Variants in TAFA5 observed in about 807,000 individuals in gnomAD.
TAFA5 encodes chemokine-like protein TAFA-5.
In TAFA5, 6 loss-of-function variants were observed where a neutral mutation model predicts 15.3. That is an observed-to-expected ratio of 0.39 (90% CI 0.21 to 0.77). The LOEUF (loss-of-function observed/expected upper bound fraction) is 0.77. Ranked by LOEUF, TAFA5 falls within the 30% of genes least tolerant of loss-of-function variation. TAFA5 has a pLI of 0.41. For synonymous variants in TAFA5, 103 were observed against 80.7 expected, an observed-to-expected ratio of 1.28 and a Z score of -1.48; for missense variants, 161 against 193.1, an observed-to-expected ratio of 0.83 and a Z score of 0.98.
chr22:48,667,439 T>C (rs1418132220), intron 2 of TAFA5, among the ~76,000 whole-genome samples: 6 of 152,344 alleles, frequency 3.9e-5, no homozygotes, highest in Admixed American at 1.3e-4. Context: ...GTAACTGTGA[T>C]ATCAATATAT....
chr22:48,642,578 G>A (rs1030293861), intron 1 of TAFA5, among the ~76,000 whole-genome samples: 2 of 152,178 alleles, frequency 1.3e-5, no homozygotes, highest in African/African-American at 4.8e-5. Context: ...AGACCAGGCC[G>A]GCCTGGACCC....
At chr22:48,610,612 C>T (rs529622387) in intron 1 of TAFA5, among the ~76,000 whole-genome samples, 176 of 127,598 alleles carry the variant, frequency 1.4e-3, no homozygotes, top group African/African-American at 4.1e-3. Context: ...GAGGGGCAGG[C>T]TCGCAGGCAG....
rs1924840069 is a variant in TAFA5, at chr22:48,598,185, A to T, written c.113-48412A>T. Among the ~76,000 whole-genome samples the T allele has an allele frequency of 6.6e-6, 1 of 152,130 alleles. No homozygotes were observed. The highest frequency in any genetic ancestry group is 2.4e-5 in the African/African-American group (1 of 41,438). The stretch of plus-strand genomic sequence containing the variant: ...TTCTTTTCTTGCTTGAGGAAGGTCC[A>T]TCTTTGTCCATTGAGGCCTTCACCT... On this transcript the variant is annotated intron_variant, in intron 1 of 3. Transcript: ENST00000402357. This position sits in a 1 kb window ranked among gnomAD's most constrained non-coding sequence, Gnocchi z 4.0.
At chr22:48,667,193 A>T (rs1927645294) in intron 2 of TAFA5, among the ~76,000 whole-genome samples, 1 of 152,074 alleles carries the variant, frequency 6.6e-6, no homozygotes, top group South Asian at 2.1e-4. Flanking sequence ...TGCCCATCCG[A>T]GCGGCCTGCA....
intron 3 of TAFA5, among the ~76,000 whole-genome samples, chr22:48,721,039 CT>C: frequency 6.6e-6 from 1 of 152,348 alleles, no homozygotes; most frequent in Admixed American, 6.5e-5. Flanking sequence ...CCACTGTCCC[CT>C]GCTGGGCCAG....
intron 3 of TAFA5, among the ~76,000 whole-genome samples, chr22:48,743,318 T>C (rs1930235345): frequency 6.6e-6 from 1 of 152,208 alleles, no homozygotes; most frequent in Non-Finnish European, 1.5e-5. Context: ...GCAGCCGCTG[T>C]GGCTGCGTGG....
intron 2 of TAFA5, among the ~76,000 whole-genome samples, chr22:48,674,558 G>T (rs1927907727): frequency 6.6e-6 from 1 of 152,208 alleles, no homozygotes; most frequent in South Asian, 2.1e-4. Context: ...CCACGCTTTT[G>T]TTTGGGCGTC....
chr22:48,545,506 C>T (rs1922632253), intron 1 of TAFA5: 1 of 154,380 alleles, frequency 6.5e-6, no homozygotes, highest in Non-Finnish European at 1.4e-5. Context: ...TACTCTGAAC[C>T]CAGCTGCCAC....
intron 2 of TAFA5, among the ~76,000 whole-genome samples, chr22:48,686,025 G>T (rs1928343652): frequency 6.6e-6 from 1 of 151,866 alleles, no homozygotes; most frequent in Admixed American, 6.6e-5. Flanking sequence ...TGCCCCGGGA[G>T]TACATGCAGG....
chr22:48,556,630 C>T (rs1601577163), intron 1 of TAFA5, among the ~76,000 whole-genome samples: 1 of 152,232 alleles, frequency 6.6e-6, no homozygotes, highest in African/African-American at 2.4e-5. Context: ...CTCTGGTCTG[C>T]AGGGCACACA....
intron 2 of TAFA5, among the ~76,000 whole-genome samples, chr22:48,685,172 G>A (rs1417799089): frequency 6.6e-6 from 1 of 152,220 alleles, no homozygotes; most frequent in African/African-American, 2.4e-5. Context: ...GGTTGAAAGA[G>A]TTAAGCTTTG....
intron 1 of TAFA5, among the ~76,000 whole-genome samples, chr22:48,639,212 G>A (rs578142774): frequency 7.3e-5 from 11 of 150,480 alleles, no homozygotes; most frequent in East Asian, 1.9e-4. Context: ...TTTTCTCCCC[G>A]TTGGGGACCT....
intron 1 of TAFA5, chr22:48,544,027 A>G (rs1922564532): frequency 1.3e-5 from 2 of 152,540 alleles, no homozygotes; most frequent in Admixed American, 1.3e-4. Context: ...GTCCTTGGTC[A>G]TGTGCCAGTG....
At position 48,583,579 on chromosome 22, in the gene TAFA5, C is replaced by G. The variant is rs1924183351; in HGVS notation, c.113-63018C>G. ...CCACACACACCACACATCACGCACA[C>G]ACACCACACACCAAATATACACACA... On this transcript the variant is annotated intron_variant, in intron 1 of 3. Coordinates refer to ENST00000402357, the MANE Select transcript of TAFA5 (RefSeq NM_001082967.3). Among the ~76,000 whole-genome samples the G allele has an allele frequency of 2.0e-5, 3 of 151,080 alleles. No individual in the cohort carries two copies. The South Asian group carries it at 6.3e-4, about 32-fold the overall frequency.
Position 48,560,407 on chromosome 22 carries a change from A to C in TAFA5, c.112+70703A>C, listed in dbSNP as rs1342887630. Among the ~76,000 whole-genome samples, 1 of 152,084 alleles carries C rather than the reference A, an allele frequency of 6.6e-6. No individual in the cohort carries two copies. ...CCCTGGAGACCACACGTGGGATGCCAGGAGCACCAAGGGTGCAGGTAGGCC... is the reference window on the plus strand; with the variant it reads ...CCCTGGAGACCACACGTGGGATGCCCGGAGCACCAAGGGTGCAGGTAGGCC... On this transcript the variant is annotated intron_variant, in intron 1 of 3. Transcript: ENST00000402357. The surrounding 1 kb of genome is among the most constrained non-coding windows in gnomAD (Gnocchi z 4.2).
intron 1 of TAFA5, among the ~76,000 whole-genome samples, chr22:48,602,348 C>G (rs1925005181): frequency 6.6e-6 from 1 of 152,224 alleles, no homozygotes; most frequent in Admixed American, 6.5e-5. Flanking sequence ...CTGGCCTGGG[C>G]TCCAGGGTCC....
chr22:48,530,608 CT>C lies in TAFA5; in HGVS notation c.112+40905del, dbSNP rs752431911. ...GGGTGGGCAAGAAACCAGCGCTCCC[CT>C]GGCTCCCTCCCTTCCCATCCCTTCT... On this transcript the variant is annotated intron_variant, in intron 1 of 3. Transcript: ENST00000402357. This position sits in a 1 kb window ranked among gnomAD's most constrained non-coding sequence, Gnocchi z 6.0. Among the ~76,000 whole-genome samples, 39 of 152,248 alleles carry C rather than the reference CT, an allele frequency of 2.6e-4. No homozygotes were observed. The highest frequency in any genetic ancestry group is 3.4e-3 in the Middle Eastern group (1 of 294).
At chr22:48,659,417 C>T (rs1927355878) in intron 2 of TAFA5, among the ~76,000 whole-genome samples, 1 of 152,218 alleles carries the variant, frequency 6.6e-6, no homozygotes. Flanking sequence ...CTCATGGTCA[C>T]ATTCTCCTCA....
At chr22:48,571,763 A>T (rs1395461624) in intron 1 of TAFA5, among the ~76,000 whole-genome samples, 1 of 151,786 alleles carries the variant, frequency 6.6e-6, no homozygotes, top group Non-Finnish European at 1.5e-5. Flanking sequence ...ATTCTCCTTT[A>T]GAACTTCTAA....
Sources: gnomAD v4.1 joint callset for allele counts (sites outside exome capture counted in the v4.1 genomes callset) on GRCh38, gnomAD v4.1.1 for gene constraint, Gnocchi (gnomAD v3.1) non-coding constraint, MANE v1.5 for transcripts, NCBI Gene and HGNC (gene_info 2026-07-23, HGNC 2026-07-21) for gene names.